The following EEPD1 variants were observed in gnomAD, a reference collection of about 807,000 sequenced individuals.
The protein encoded by EEPD1 is endonuclease/exonuclease/phosphatase family domain containing 1.
EEPD1 carries 17 observed loss-of-function variants against 46.3 expected under a neutral mutation model. The ratio of observed to expected loss-of-function variants is 0.37; its 90% CI spans 0.25 to 0.55. The LOEUF (loss-of-function observed/expected upper bound fraction) is 0.55. EEPD1 is among the 20% of genes least tolerant of loss of function. The pLI is 0.83. For missense variants in EEPD1, 673 were observed against 745.6 expected (o/e 0.90, Z 1.13); for synonymous variants, 313 against 315.6 (o/e 0.99, Z 0.09).
chr7:36,284,179 G>C (rs969146444), intron 4 of EEPD1, among the ~76,000 whole-genome samples: 1 of 152,232 alleles, frequency 6.6e-6, no homozygotes, highest in African/African-American at 2.4e-5. Flanking sequence ...CACTCACCCA[G>C]AAAACACTGA....
At position 36,284,402 on chromosome 7, in the gene EEPD1, A is replaced by G. The variant is rs942396757; in HGVS notation, c.1042-284A>G. Among the ~76,000 whole-genome samples, 2 of 152,226 alleles carry G rather than the reference A, an allele frequency of 1.3e-5. 1 individual carries two copies. The highest frequency in any genetic ancestry group is 3.8e-4 in the East Asian group (2 of 5,198). ...CATGGGATGTGATGATTCTGAAGATATCTCTGTGCCTAGCCGGGGCTTCAC... is the reference window on the plus strand; with the variant it reads ...CATGGGATGTGATGATTCTGAAGATGTCTCTGTGCCTAGCCGGGGCTTCAC... On this transcript the variant is annotated intron_variant, in intron 4 of 7. Transcript: ENST00000242108.
rs1334016530 is a variant in EEPD1, at chr7:36,284,768, G to A, written c.1124G>A (p.Ser375Asn). 8 of 1,598,038 alleles carry A rather than the reference G, an allele frequency of 5.0e-6. No homozygotes were observed. Among genetic ancestry groups the A allele is most frequent in the Non-Finnish European group, 6.8e-6 (8 of 1,171,576 alleles). Residue 375 changes from serine (S) to asparagine (N), a missense_variant, in exon 5 of 8, where the codon AGC (serine) becomes AAC (asparagine). Physicochemically the swap from Ser to Asn is conservative, Grantham distance 46. Coordinates refer to ENST00000242108, the MANE Select transcript of EEPD1 (RefSeq NM_030636.3). Reference sequence around the variant, plus strand: ...GCGGGTTCACAGGAGAGCTCGCCAAGCAACGGGCACGGGAAGCTGGCGGGC... The same window carrying A: ...GCGGGTTCACAGGAGAGCTCGCCAAACAACGGGCACGGGAAGCTGGCGGGC... ...RDAGSQESSP[S>N]NGHGKLAGPS...
Position 36,190,921 on chromosome 7 carries a change from G to A in EEPD1, c.878+35719G>A, listed in dbSNP as rs544966859. 3.9e-5 allele frequency among the ~76,000 whole-genome samples: 6 copies of A among 152,284 alleles called. No homozygotes were observed. The South Asian group carries it at 6.2e-4, about 16-fold the overall frequency. On this transcript the variant is annotated intron_variant, in intron 2 of 7. Coordinates refer to ENST00000242108, the MANE Select transcript of EEPD1 (RefSeq NM_030636.3). The stretch of plus-strand genomic sequence containing the variant: ...GCAGCCAGCACCCCCGGAATGCCCG[G>A]CCTTCCTCATTTTGGTCTCTTGCAG...
At chr7:36,178,450 T>C (rs1785221060) in intron 2 of EEPD1, among the ~76,000 whole-genome samples, 2 of 152,252 alleles carry the variant, frequency 1.3e-5, no homozygotes, top group African/African-American at 2.4e-5. Flanking sequence ...GGCCCCTTCT[T>C]GGTCTCCTCA....
intron 2 of EEPD1, among the ~76,000 whole-genome samples, chr7:36,164,985 T>G (rs1287029535): frequency 2.6e-5 from 4 of 152,182 alleles, no homozygotes; most frequent in Admixed American, 1.3e-4. Flanking sequence ...ATTAAAAAAT[T>G]TAAAAGTTTA....
chr7:36,203,960 CTT>C (rs369500845), intron 2 of EEPD1, among the ~76,000 whole-genome samples: 20 of 142,586 alleles, frequency 1.4e-4, no homozygotes, highest in Non-Finnish European at 1.2e-4. Flanking sequence ...TTATAAACCA[CTT>C]TTTTTTTTTT....
At chr7:36,153,750 G>T (rs1339422451) in intron 1 of EEPD1, 76 bp downstream of exon 1, 1 of 152,970 alleles carries the variant, frequency 6.5e-6, no homozygotes, top group East Asian at 1.9e-4. Flanking sequence ...CGGGGAGCAC[G>T]GACTTCCCAG....
chr7:36,195,178 A>T (rs1785556115), intron 2 of EEPD1, among the ~76,000 whole-genome samples: 1 of 152,230 alleles, frequency 6.6e-6, no homozygotes, highest in South Asian at 2.1e-4. Flanking sequence ...GGAGGGGAAC[A>T]GGCTTCTTGG....
intron 3 of EEPD1, among the ~76,000 whole-genome samples, chr7:36,253,812 G>C (rs10282140): frequency 1.3e-5 from 2 of 151,826 alleles, no homozygotes. Flanking sequence ...ATTCAGTTAC[G>C]TATATCTTTG....
intron 2 of EEPD1, among the ~76,000 whole-genome samples, chr7:36,214,750 G>A (rs73338960): frequency 0.039 from 5,948 of 152,262 alleles, 393 homozygotes; most frequent in African/African-American, 0.14. Context: ...CCTAACTAGC[G>A]CTGGCTGACA....
chr7:36,197,431 GAA>G (rs1583802645), intron 2 of EEPD1, among the ~76,000 whole-genome samples: 1 of 152,250 alleles, frequency 6.6e-6, no homozygotes, highest in East Asian at 1.9e-4. Context: ...AGCTCATTGA[GAA>G]CGGGCCATGA....
rs745771307 is a variant in EEPD1 at position 36,297,195 on chromosome 7, A to G, written c.1510+8A>G. On this transcript the variant is annotated splice_region_variant and intron_variant, in intron 7 of 7. Transcript: ENST00000242108. The stretch of plus-strand genomic sequence containing the variant: ...TAAAGAAGGTTTTCACAGGTGAGGC[A>G]GAACTCACTTGTCCTTTCTCCTGTT... 2.0e-5 allele frequency: 32 copies of G among 1,613,474 alleles called. No homozygotes were observed. The highest frequency in any genetic ancestry group is 2.5e-5 in the Non-Finnish European group (30 of 1,179,684).
intron 2 of EEPD1, among the ~76,000 whole-genome samples, chr7:36,188,062 C>G (rs571508605): frequency 3.9e-5 from 6 of 152,250 alleles, no homozygotes; most frequent in Middle Eastern, 6.8e-3. Context: ...TCCCAAAGTG[C>G]TGGGATTACA....
In EEPD1 at chr7:36,227,421, G is replaced by A. The variant is rs138349825; in HGVS notation, c.879-11564G>A. On this transcript the variant is annotated intron_variant, in intron 2 of 7. Transcript: ENST00000242108. ...TGTCTTGGCAGTGACAGGATGCAAC[G>A]CTGTCAAGGACATATTTAGGAAAAG... Among the ~76,000 whole-genome samples, 46 of 152,298 alleles carry A rather than the reference G, an allele frequency of 3.0e-4. No homozygotes were observed. The East Asian group carries it at 8.3e-3, about 27-fold the overall frequency.
At chr7:36,192,674 T>C (rs1188700798) in intron 2 of EEPD1, among the ~76,000 whole-genome samples, 2 of 152,246 alleles carry the variant, frequency 1.3e-5, no homozygotes, top group African/African-American at 4.8e-5. Flanking sequence ...TGAAATAGCC[T>C]ATTATATAAC....
At chr7:36,266,707 C>T (rs905116142) in intron 3 of EEPD1, among the ~76,000 whole-genome samples, 6 of 152,136 alleles carry the variant, frequency 3.9e-5, no homozygotes, top group African/African-American at 1.2e-4. Flanking sequence ...AAAAGGAAAC[C>T]TCAAACCTAC....
chr7:36,179,125 A>G (rs1297422902), intron 2 of EEPD1, among the ~76,000 whole-genome samples: 1 of 152,222 alleles, frequency 6.6e-6, no homozygotes, highest in African/African-American at 2.4e-5. Flanking sequence ...TATTTAAAAG[A>G]TACATTTGAG....
At chr7:36,161,427 G>A (rs1784899635) in intron 2 of EEPD1, among the ~76,000 whole-genome samples, 1 of 151,886 alleles carries the variant, frequency 6.6e-6, no homozygotes, top group South Asian at 2.1e-4. Context: ...TTCGGTCAGG[G>A]ATGAAGGGAA....
rs115556317 is a variant in EEPD1, at chr7:36,248,152, G to A, written c.930+9116G>A. 4.1e-3 allele frequency among the ~76,000 whole-genome samples: 617 copies of A among 152,044 alleles called. 6 individuals carry two copies. Among genetic ancestry groups the A allele is most frequent in the African/African-American group, 0.014 (587 of 41,474 alleles). ...GACACACCTTTCATTTGGGCTTGGT[G>A]TCCAAATGAATTACTTCAAGAATCT... On this transcript the variant is annotated intron_variant, in intron 3 of 7. Transcript: ENST00000242108.
Sources: gnomAD v4.1 joint callset for allele counts (sites outside exome capture counted in the v4.1 genomes callset) on GRCh38, gnomAD v4.1.1 for gene constraint, MANE v1.5 for transcripts, NCBI Gene and HGNC (gene_info 2026-07-23, HGNC 2026-07-21) for gene names.